Variants in STAU1 observed in about 807,000 individuals in gnomAD.
STAU1 encodes double-stranded RNA-binding protein Staufen homolog 1.
Under a neutral mutation model 62.9 loss-of-function variants are expected in STAU1, and 13 were observed. The ratio of observed to expected loss-of-function variants is 0.21; its 90% confidence interval spans 0.13 to 0.33. The LOEUF is 0.33. Among genes scored for constraint, STAU1 ranks in the 10% least tolerant of loss-of-function variants. The pLI is 1.00. For missense variants in STAU1, 571 were observed against 712.1 expected (o/e 0.80, Z 2.25); for synonymous variants, 269 against 265.1 (o/e 1.01, Z -0.14).
At chr20:49,167,750 C>T (rs1017875563) in intron 2 of STAU1, among the ~76,000 whole-genome samples, 4 of 152,122 alleles carry the variant, frequency 2.6e-5, no homozygotes, top group African/African-American at 9.7e-5. Context: ...TCCTCTCTTC[C>T]CCTCTCTTCA....
the STAU1 span, among the ~76,000 whole-genome samples, chr20:49,203,453 C>A: frequency 2.6e-5 from 4 of 151,980 alleles, no homozygotes; most frequent in African/African-American, 4.8e-5. Context: ...AAGTTTCTAA[C>A]CAGGATGATC....
intron 1 of STAU1, chr20:49,179,114 G>A: frequency 6.6e-6 from 1 of 150,770 alleles, no homozygotes; most frequent in East Asian, 1.9e-4. Context: ...AGGCATGGTG[G>A]TACGCACCTG....
intron 5 of STAU1, among the ~76,000 whole-genome samples, chr20:49,149,388 CT>C (rs34224048): frequency 0.32 from 48,222 of 151,824 alleles, 9,038 homozygotes; most frequent in Middle Eastern, 0.48. Context: ...ATTCCTGGGT[CT>C]CACCCTACAC....
chr20:49,166,192 C>G lies in STAU1; in HGVS notation c.10G>C (p.Val4Leu), dbSNP rs756447350. The G allele has an allele frequency of 6.2e-7, 1 of 1,614,028 alleles. No homozygotes were observed. The highest frequency in any genetic ancestry group is 8.5e-7 in the Non-Finnish European group (1 of 1,180,024). MSQ[V>L]QVQVQNPSAA... is the part of the protein sequence containing the mutation. ...GATGGGTTCTGAACTTGCACTTGAA[C>G]TTGAGACATGGTCACTTTCAACAAA... The change falls in exon 3 of 14, where the codon GTT (valine) becomes CTT (leucine). Residue 4 changes from valine (V) to leucine (L), a missense_variant. Val to Leu is a conservative substitution (Grantham distance 32, BLOSUM62 1). Coordinates refer to ENST00000371856, the MANE Select transcript of STAU1 (RefSeq NM_017453.4).
At chr20:49,167,335 C>A (rs2093539874) in intron 2 of STAU1, among the ~76,000 whole-genome samples, 1 of 152,100 alleles carries the variant, frequency 6.6e-6, no homozygotes, top group South Asian at 2.1e-4. Context: ...GAAACAGTTA[C>A]TTTAATTTTT....
Position 49,175,798 on chromosome 20 carries a change from C to CTTTTTTTTTT in STAU1, c.-159-1539_-159-1530dup, listed in dbSNP as rs386393906. ...GCCACCACACCCAACCTCATAATGC[C>CTTTTTTTTTT]TTTTTTTTTTTTTTTTGAGACGGAG... On this transcript the variant is annotated intron_variant, in intron 1 of 13. Coordinates refer to ENST00000371856, the MANE Select transcript of STAU1 (RefSeq NM_017453.4). Among the ~76,000 whole-genome samples, 12 of 104,824 alleles carry CTTTTTTTTTT rather than the reference C, an allele frequency of 1.1e-4. 1 individual carries two copies. The highest frequency in any genetic ancestry group is 2.2e-4 in the Non-Finnish European group (12 of 53,964). The allele number at this position is 104,824 out of a possible 152,430, so 68.8% of individuals were successfully genotyped here.
rs372492946 is a variant in STAU1 at position 49,164,706 on chromosome 20, G to A, written c.205+1291C>T. Among the ~76,000 whole-genome samples, 13 of 152,172 alleles carry A rather than the reference G, an allele frequency of 8.5e-5. No individual in the cohort carries two copies. In the East Asian group the frequency reaches 2.5e-3, roughly 29 times the overall value. On this transcript the variant is annotated intron_variant, in intron 3 of 13. Transcript: ENST00000371856. Reference sequence around the variant, plus strand: ...CACTTGAGCCCAGGAGGTTGATGCTGCAGTGAACCATAATCTCACACTACC... The same window carrying A: ...CACTTGAGCCCAGGAGGTTGATGCTACAGTGAACCATAATCTCACACTACC...
intron 3 of STAU1, among the ~76,000 whole-genome samples, chr20:49,156,503 C>T (rs575701149): frequency 6.6e-6 from 1 of 152,234 alleles, no homozygotes; most frequent in South Asian, 2.1e-4. Context: ...CTGTTTGGCC[C>T]ATGCATAAGA....
At position 49,126,535 on chromosome 20, in the gene STAU1, C is replaced by A. The variant is rs141479879; in HGVS notation, c.610-1948G>T. Among the ~76,000 whole-genome samples the A allele has an allele frequency of 1.5e-3, 200 of 132,552 alleles. 1 individual carries two copies. The highest frequency in any genetic ancestry group is 0.013 in the Middle Eastern group (3 of 224). 87.0% of individuals were successfully genotyped at this position (132,552 alleles called of 152,430 possible). On this transcript the variant is annotated intron_variant, in intron 6 of 13. Transcript: ENST00000371856. ...GGGAGCTATGATCACACAACTGCAC[C>A]CCAGCCTGGGCAACAGAGCAAAACC...
At chr20:49,121,142 C>G (rs552921233) in intron 8 of STAU1, among the ~76,000 whole-genome samples, 2 of 152,236 alleles carry the variant, frequency 1.3e-5, no homozygotes, top group East Asian at 3.9e-4. Context: ...CGTGGTGGCT[C>G]ACGCCTGTAA....
chr20:49,115,489 C>T (rs905304459), intron 13 of STAU1, among the ~76,000 whole-genome samples: 1 of 152,002 alleles, frequency 6.6e-6, no homozygotes, highest in African/African-American at 2.4e-5. Flanking sequence ...TTAGTAGAGA[C>T]AGGGTTTCAC....
chr20:49,134,793 T>C (rs2092837713), intron 6 of STAU1: 3 of 1,282,126 alleles, frequency 2.3e-6, no homozygotes, highest in Admixed American at 1.7e-5. Flanking sequence ...AGTTTTCCCA[T>C]TCCTGGAGAG....
At chr20:49,121,966 A>ATC (rs2092475109) in intron 8 of STAU1, among the ~76,000 whole-genome samples, 1 of 152,224 alleles carries the variant, frequency 6.6e-6, no homozygotes, top group Non-Finnish European at 1.5e-5. Context: ...CAACCTGGCC[A>ATC]TCTACCAGCC....
chr20:49,181,521 T>C (rs1221815169), intron 1 of STAU1, among the ~76,000 whole-genome samples: 1 of 152,084 alleles, frequency 6.6e-6, no homozygotes, highest in African/African-American at 2.4e-5. Context: ...TCCTATCACT[T>C]TGCGAGGCTA....
the STAU1 span, among the ~76,000 whole-genome samples, chr20:49,216,033 A>AAAAAAG: frequency 9.6e-6 from 1 of 104,550 alleles, no homozygotes; most frequent in African/African-American, 4.5e-5. Flanking sequence ...AAAAAAAAAA[A>AAAAAAG]AAGAAGAAGA....
chr20:49,183,040 A>G (rs2093745938), intron 1 of STAU1, among the ~76,000 whole-genome samples: 1 of 152,310 alleles, frequency 6.6e-6, no homozygotes, highest in East Asian at 1.9e-4. Flanking sequence ...ATAACTGGCA[A>G]TTTATATTTT....
chr20:49,188,942 T>G (rs1165507241), upstream of STAU1, among the ~76,000 whole-genome samples: 1 of 152,086 alleles, frequency 6.6e-6, no homozygotes, highest in African/African-American at 2.4e-5. Flanking sequence ...GGCTCAGGCC[T>G]CTAATCCCGG....
At chr20:49,209,174 AT>A in the STAU1 span, among the ~76,000 whole-genome samples, 1 of 150,216 alleles carries the variant, frequency 6.7e-6, no homozygotes, top group Non-Finnish European at 1.5e-5. Flanking sequence ...GGCTCAGGTG[AT>A]TTGCCTGCCT....
Position 49,154,035 on chromosome 20 carries a change from C to T in STAU1, c.242G>A (p.Cys81Tyr), listed in dbSNP as rs1459565758. 1.9e-6 allele frequency: 3 copies of T among 1,612,150 alleles called. No homozygotes were observed. The highest frequency in any genetic ancestry group is 2.5e-6 in the Non-Finnish European group (3 of 1,179,592). Residue 81 changes from cysteine (C) to tyrosine (Y), a missense_variant, in exon 4 of 14, where the codon TGC becomes TAC. Cys to Tyr is a radical substitution (Grantham distance 194). Transcript: ENST00000371856. ...CATTGGTTTTTTTCCAAGTTTCATGCACAGTGCATTTAGTTCTACAGTAGG... is the reference window on the plus strand; with the variant it reads ...CATTGGTTTTTTTCCAAGTTTCATGTACAGTGCATTTAGTTCTACAGTAGG... The part of the protein sequence containing the change: ...ITPTVELNAL[C>Y]MKLGKKPMYK...
Sources: allele counts gnomAD v4.1 joint callset (sites outside exome capture counted in the v4.1 genomes callset), GRCh38; gene constraint gnomAD v4.1.1; transcripts MANE v1.5; gene names NCBI Gene and HGNC (gene_info 2026-07-23, HGNC 2026-07-21).